Variants in PCDHA3 observed in about 807,000 individuals in gnomAD.
PCDHA3 encodes protocadherin alpha-3.
A neutral mutation model predicts 62.2 loss-of-function variants in PCDHA3; 41 were observed. That is an observed-to-expected ratio of 0.66 (90% CI 0.51 to 0.86). The LOEUF (loss-of-function observed/expected upper bound fraction) is 0.86, where lower values mean the gene tolerates loss of function less well. Among genes scored for constraint, PCDHA3 ranks in the 40% least tolerant of loss-of-function variants. The pLI is 0.00. For synonymous variants in PCDHA3, 640 were observed against 555.4 expected (o/e 1.15, Z -2.14); for missense variants, 1,304 against 1,241.2 (o/e 1.05, Z -0.76).
chr5:140,808,959 T>G (rs1554124915), intron 1 of PCDHA3: 1 of 1,613,498 alleles, frequency 6.2e-7, no homozygotes, highest in Non-Finnish European at 8.5e-7. Flanking sequence ...GGCCACGTGG[T>G]GGCAAAGGTG....
intron 3 of PCDHA3, among the ~76,000 whole-genome samples, chr5:140,996,245 G>A (rs2097718426): frequency 6.6e-6 from 1 of 152,220 alleles, no homozygotes; most frequent in South Asian, 2.1e-4. Context: ...AGGCTGAGAA[G>A]TGACAGCAAC....
intron 1 of PCDHA3, chr5:140,858,421 G>A (rs782781172): frequency 1.3e-6 from 2 of 1,557,082 alleles, no homozygotes; most frequent in Non-Finnish European, 1.7e-6. Flanking sequence ...CTATTGGAGG[G>A]GACCACTCTA....
chr5:140,875,932 C>T, intron 1 of PCDHA3: 3 of 1,614,154 alleles, frequency 1.9e-6, no homozygotes, highest in South Asian at 1.1e-5. Flanking sequence ...TCATTTTCCT[C>T]TAGAGGGCGC....
chr5:140,828,061 T>G (rs2150150481), intron 1 of PCDHA3: 2 of 1,556,836 alleles, frequency 1.3e-6, no homozygotes, highest in East Asian at 4.5e-5. Context: ...CGGAAGATCT[T>G]CTAATGGAAA....
chr5:140,834,385 T>C, intron 1 of PCDHA3: 1 of 1,568,318 alleles, frequency 6.4e-7, no homozygotes, highest in South Asian at 1.2e-5. Flanking sequence ...TAATTTGAAA[T>C]GGTGTGCCCG....
intron 1 of PCDHA3, chr5:140,829,213 G>A (rs2150163973): frequency 6.2e-7 from 1 of 1,614,218 alleles, no homozygotes; most frequent in Non-Finnish European, 8.5e-7. Context: ...TAATTAGCGT[G>A]AACGACCTCG....
At chr5:140,825,380 T>C (rs1415705722) in intron 1 of PCDHA3, 1 of 146,050 alleles carries the variant, frequency 6.8e-6, no homozygotes, top group Non-Finnish European at 1.5e-5. Context: ...ATCTAAAATA[T>C]CTAATATATA....
At position 140,808,742 on chromosome 5, in the gene PCDHA3, G is replaced by A. The variant is rs782024587; in HGVS notation, c.2394+5151G>A. 3.7e-6 allele frequency: 6 copies of A among 1,612,130 alleles called. No homozygotes were observed. In the South Asian group the frequency reaches 6.6e-5, roughly 18 times the overall value. ...GCATGCGGAGAGCGGCAAGGTGTAC[G>A]CGCTGCAGCCGCTGGACCACGAGGA... is the stretch of plus-strand genomic sequence containing the variant. On this transcript the variant is annotated intron_variant, in intron 1 of 3. Coordinates refer to ENST00000522353, the MANE Select transcript of PCDHA3 (RefSeq NM_018906.3).
At chr5:140,871,432 C>T (rs782382962) in intron 1 of PCDHA3, 1 of 1,612,926 alleles carries the variant, frequency 6.2e-7, no homozygotes, top group Non-Finnish European at 8.5e-7. Flanking sequence ...CAGTCTTCCT[C>T]TAGGTCTGAA....
chr5:140,856,649 C>T, intron 1 of PCDHA3: 1 of 1,598,072 alleles, frequency 6.3e-7, no homozygotes, highest in South Asian at 1.1e-5. Context: ...GCTGCTGGAT[C>T]GTGAAGAAAA....
rs1554231789 is a variant in PCDHA3 at position 140,969,430 on chromosome 5, A to G, written c.2395-9519A>G. ...CTTTATTGAGTCATTAACAGTGACAAGAGTTATCTGGTAAACTGAGTATAT... is the reference window on the plus strand; with the variant it reads ...CTTTATTGAGTCATTAACAGTGACAGGAGTTATCTGGTAAACTGAGTATAT... On this transcript the variant is annotated intron_variant, in intron 1 of 3. Transcript: ENST00000522353. The G allele has an allele frequency of 1.2e-5, 19 of 1,554,588 alleles. 1 individual carries two copies. The Admixed American group carries it at 3.5e-4, about 29-fold the overall frequency.
intron 1 of PCDHA3, chr5:140,815,098 T>C (rs1445384708): frequency 1.3e-5 from 2 of 152,184 alleles, no homozygotes; most frequent in Admixed American, 1.3e-4. Flanking sequence ...AGCAAATCTC[T>C]TGTAGTTAGC....
intron 1 of PCDHA3, chr5:140,858,129 T>A (rs1258479453): frequency 6.3e-7 from 1 of 1,597,464 alleles, no homozygotes; most frequent in Non-Finnish European, 8.6e-7. Context: ...CTGGTGGATG[T>A]CAACGTGTAC....
rs1380123980 is a variant in PCDHA3 at position 140,841,792 on chromosome 5, G to T, written c.2394+38201G>T. On this transcript the variant is annotated intron_variant, in intron 1 of 3. Coordinates refer to ENST00000522353, the MANE Select transcript of PCDHA3 (RefSeq NM_018906.3). ...ACTCTCGGTTTCCGCTAGAGGGCGCGTCCGATGCAGATGTTGGAGCTAACT... is the reference window on the plus strand; with the variant it reads ...ACTCTCGGTTTCCGCTAGAGGGCGCTTCCGATGCAGATGTTGGAGCTAACT... 5.6e-6 allele frequency: 9 copies of T among 1,613,798 alleles called. No homozygotes were observed. The South Asian group carries it at 7.7e-5, about 14-fold the overall frequency.
At chr5:140,831,064 T>C (rs957849785) in intron 1 of PCDHA3, 1 of 152,230 alleles carries the variant, frequency 6.6e-6, no homozygotes, top group Non-Finnish European at 1.5e-5. Context: ...TGTCCCCCTT[T>C]TAAACCATTG....
At chr5:140,848,357 T>G in intron 1 of PCDHA3, 2 of 1,035,378 alleles carry the variant, frequency 1.9e-6, no homozygotes, top group Non-Finnish European at 2.9e-6. Flanking sequence ...CCTTTTCCCA[T>G]GGGAAAGAGG....
chr5:140,849,832 C>A lies in PCDHA3; in HGVS notation c.2394+46241C>A, dbSNP rs145333813. On this transcript the variant is annotated intron_variant, in intron 1 of 3. Coordinates refer to ENST00000522353, the MANE Select transcript of PCDHA3 (RefSeq NM_018906.3). ...ACGGCCAGGGTGTCTGTGGAGGTGG[C>A]CGACGTGAACGACAACGCACCAGCG... 3.2e-4 allele frequency: 518 copies of A among 1,598,398 alleles called. 39 individuals carry two copies. In the African/African-American group the frequency reaches 4.3e-3, roughly 13 times the overall value.
At chr5:140,816,835 T>A (rs1221518699) in intron 1 of PCDHA3, 3 of 152,054 alleles carry the variant, frequency 2.0e-5, no homozygotes, top group African/African-American at 7.2e-5. Context: ...CTCTGTGGTG[T>A]CTGTGTGCTG....
chr5:140,922,350 G>A (rs2080793001), intron 1 of PCDHA3, among the ~76,000 whole-genome samples: 11 of 152,212 alleles, frequency 7.2e-5, no homozygotes, highest in Admixed American at 7.2e-4. Context: ...GTATTTTCTA[G>A]AGTAGTGATT....
Sources: allele counts gnomAD v4.1 joint callset (sites outside exome capture counted in the v4.1 genomes callset), GRCh38; gene constraint gnomAD v4.1.1; transcripts MANE v1.5; gene names NCBI Gene and HGNC (gene_info 2026-07-23, HGNC 2026-07-21).